Variants in DENND5A observed in about 807,000 individuals in gnomAD.
DENND5A encodes DENN domain-containing protein 5A.
A neutral mutation model predicts 140.3 loss-of-function variants in DENND5A; 64 were observed. The observed-to-expected ratio is 0.46, with a 90% CI of 0.37 to 0.56. DENND5A has a LOEUF of 0.56. Ranked by LOEUF, DENND5A falls within the 20% of genes least tolerant of loss-of-function variation. The pLI is 0.00. For synonymous variants in DENND5A, 605 were observed against 607.7 expected, an observed-to-expected ratio of 1.00 and a Z score of 0.07; for missense variants, 1,292 against 1,593.8, an observed-to-expected ratio of 0.81 and a Z score of 3.22.
chr11:9,139,374 G>T lies in DENND5A; in HGVS notation c.*297C>A, dbSNP rs1454442496. 2.5e-6 allele frequency: 1 copy of T among 394,230 alleles called. No individual in the cohort carries two copies. Among genetic ancestry groups the T allele is most frequent in the African/African-American group, 2.0e-5 (1 of 49,550 alleles). The allele number at this position is 394,230 out of a possible 1,614,324, so 24.4% of individuals were successfully genotyped here. A position where few individuals can be genotyped will look rare whatever the true frequency, so the allele number is the denominator to read the frequency against. On this transcript the variant is annotated 3_prime_UTR_variant, in exon 23 of 23. Coordinates refer to ENST00000328194, the MANE Select transcript of DENND5A (RefSeq NM_015213.4). ...ACGCAGTGCCACAGGCTCAGTCCAG[G>T]GAGGCCTCAGGCTTCCAGCATGTGG...
At chr11:9,191,123 A>G (rs1849108799) in intron 5 of DENND5A, among the ~76,000 whole-genome samples, 1 of 152,170 alleles carries the variant, frequency 6.6e-6, no homozygotes, top group Non-Finnish European at 1.5e-5. Flanking sequence ...GGGAGCCAGA[A>G]GCTCAGATAC....
At position 9,254,275 on chromosome 11, in the gene DENND5A, G is replaced by A. The variant is rs528209810; in HGVS notation, c.109+10686C>T. On this transcript the variant is annotated intron_variant, in intron 1 of 22. Coordinates refer to ENST00000328194, the MANE Select transcript of DENND5A (RefSeq NM_015213.4). Reference sequence around the variant, plus strand: ...CAGAAATTCGAGGCTCAGAAACGCCGAGGAAGTGAGGTATGATTGTCCACT... The same window carrying A: ...CAGAAATTCGAGGCTCAGAAACGCCAAGGAAGTGAGGTATGATTGTCCACT... Among the ~76,000 whole-genome samples the A allele has an allele frequency of 9.2e-5, 14 of 151,876 alleles. No homozygotes were observed. In the South Asian group the frequency reaches 2.7e-3, roughly 29 times the overall value.
At chr11:9,223,914 A>G (rs1188470657) in intron 1 of DENND5A, among the ~76,000 whole-genome samples, 1 of 152,166 alleles carries the variant, frequency 6.6e-6, no homozygotes, top group Non-Finnish European at 1.5e-5. Context: ...TAGAACGGTC[A>G]GGTGTGGTGG....
At chr11:9,233,509 G>A (rs1441380828) in intron 1 of DENND5A, among the ~76,000 whole-genome samples, 1 of 151,842 alleles carries the variant, frequency 6.6e-6, no homozygotes, top group African/African-American at 2.4e-5. Flanking sequence ...CAGAAGCTAT[G>A]AATGTTATCT....
rs565733247 is a variant in DENND5A, at chr11:9,167,676, G to C, written c.2152-1709C>G. Among the ~76,000 whole-genome samples the C allele has an allele frequency of 1.8e-3, 273 of 151,804 alleles. 2 individuals carry two copies. The highest frequency in any genetic ancestry group is 6.2e-3 in the African/African-American group (258 of 41,412). ...CAATTAGCCAGGAATGGTGGCGTGT[G>C]CCTGTGGTCCCAGCTACTAGAGAGG... On this transcript the variant is annotated intron_variant, in intron 10 of 22. Transcript: ENST00000328194.
At chr11:9,215,549 T>A (rs1013885374) in intron 1 of DENND5A, among the ~76,000 whole-genome samples, 1 of 87,896 alleles carries the variant, frequency 1.1e-5, no homozygotes, top group Non-Finnish European at 2.4e-5. Context: ...AATCCTGTGT[T>A]CTTTTTTTTT....
At chr11:9,222,814 G>A (rs867320313) in intron 1 of DENND5A, among the ~76,000 whole-genome samples, 3 of 152,216 alleles carry the variant, frequency 2.0e-5, no homozygotes, top group East Asian at 1.9e-4. Flanking sequence ...CCTCAAGAAC[G>A]TGCTTTCCAT....
At position 9,265,292 on chromosome 11, in the gene DENND5A, C is replaced by G. The variant is rs1357057848; in HGVS notation, c.-223G>C. On this transcript the variant is annotated 5_prime_UTR_variant, in exon 1 of 23. Transcript: ENST00000328194. The surrounding 1 kb of genome is among the most constrained non-coding windows in gnomAD (Gnocchi z 4.7). ...CACCGCATCCTGGATGCCTTCCCCT[C>G]CGCGCCGCCGCCGCTGCAGCTAGCC... is the stretch of plus-strand genomic sequence containing the variant. 1 of 262,842 alleles carries G rather than the reference C, an allele frequency of 3.8e-6. No homozygotes were observed. Among genetic ancestry groups the G allele is most frequent in the Admixed American group, 5.5e-5 (1 of 18,126 alleles). 16.3% of individuals were successfully genotyped at this position (262,842 alleles called of 1,614,324 possible).
intron 1 of DENND5A, among the ~76,000 whole-genome samples, chr11:9,238,683 A>G (rs925069463): frequency 2.6e-5 from 4 of 151,726 alleles, no homozygotes; most frequent in African/African-American, 4.8e-5. Context: ...CAAAGTGCTG[A>G]GATTACAGGT....
chr11:9,162,981 G>A (rs1436095229), intron 11 of DENND5A, among the ~76,000 whole-genome samples: 2 of 151,948 alleles, frequency 1.3e-5, no homozygotes, highest in African/African-American at 2.4e-5. Flanking sequence ...TGGGATCACA[G>A]GTGTGTGCTG....
At chr11:9,171,373 C>T (rs1414245457) in intron 8 of DENND5A, 1 of 152,404 alleles carries the variant, frequency 6.6e-6, no homozygotes, top group East Asian at 1.9e-4. Context: ...GAGTAAAGTA[C>T]TCAGAGGGTC....
At chr11:9,242,976 T>C (rs1851299587) in intron 1 of DENND5A, 1 of 151,088 alleles carries the variant, frequency 6.6e-6, no homozygotes, top group Non-Finnish European at 1.5e-5. Flanking sequence ...TAATCCCAGC[T>C]ACTCGGGAGG....
chr11:9,236,609 A>G (rs1590318662), intron 1 of DENND5A, among the ~76,000 whole-genome samples: 2 of 152,198 alleles, frequency 1.3e-5, no homozygotes, highest in South Asian at 2.1e-4. Context: ...CAAGCTAGGC[A>G]TTGGGCACAA....
chr11:9,164,063 T>G (rs1013908186), intron 11 of DENND5A, among the ~76,000 whole-genome samples: 12 of 78,810 alleles, frequency 1.5e-4, no homozygotes, highest in African/African-American at 6.2e-4. Flanking sequence ...CAGGTTTTTT[T>G]TTTTTTTTTT....
intron 1 of DENND5A, among the ~76,000 whole-genome samples, chr11:9,255,127 G>A (rs1851891104): frequency 6.6e-6 from 1 of 152,028 alleles, no homozygotes. Flanking sequence ...TTGTCTTCTA[G>A]GATATGCAAA....
At chr11:9,210,111 A>T (rs1294266488) in intron 1 of DENND5A, among the ~76,000 whole-genome samples, 1 of 152,170 alleles carries the variant, frequency 6.6e-6, no homozygotes, top group East Asian at 1.9e-4. Context: ...CATCTCAAAA[A>T]AAAAAGAGAA....
At chr11:9,234,462 T>G (rs1229220303) in intron 1 of DENND5A, among the ~76,000 whole-genome samples, 1 of 151,752 alleles carries the variant, frequency 6.6e-6, no homozygotes, top group Non-Finnish European at 1.5e-5. Context: ...CAGCAAAAAA[T>G]GAAAAACAAG....
chr11:9,180,063 G>A (rs1370895185), intron 6 of DENND5A, among the ~76,000 whole-genome samples: 1 of 152,102 alleles, frequency 6.6e-6, no homozygotes, highest in Non-Finnish European at 1.5e-5. Context: ...TTTAATCTTG[G>A]GCAAAACACT....
At chr11:9,241,306 C>A (rs947292920) in intron 1 of DENND5A, among the ~76,000 whole-genome samples, 20 of 152,160 alleles carry the variant, frequency 1.3e-4, no homozygotes, top group Admixed American at 1.0e-3. Context: ...GGCTTGTTAA[C>A]ATACAGGTTT....
Sources: gnomAD v4.1 joint callset for allele counts (sites outside exome capture counted in the v4.1 genomes callset) on GRCh38, gnomAD v4.1.1 for gene constraint, Gnocchi (gnomAD v3.1) non-coding constraint, MANE v1.5 for transcripts, NCBI Gene and HGNC (gene_info 2026-07-23, HGNC 2026-07-21) for gene names.